Variants in ATG10 observed in about 807,000 individuals in gnomAD.
The protein encoded by ATG10 is ubiquitin-like-conjugating enzyme ATG10.
A neutral mutation model predicts 32.1 loss-of-function variants in ATG10; 30 were observed. The observed-to-expected ratio is 0.94, with a 90% confidence interval of 0.70 to 1.27. ATG10 has a LOEUF of 1.27. Among genes scored for constraint, ATG10 ranks in the 50% most tolerant of loss-of-function variants. The pLI, the probability that ATG10 is intolerant of heterozygous loss-of-function variation, is 0.00. For missense variants in ATG10, 233 were observed against 262.3 expected (o/e 0.89, Z 0.77); for synonymous variants, 87 against 91.5 (o/e 0.95, Z 0.28).
At chr5:82,187,282 A>G (rs1240892537) in intron 5 of ATG10, among the ~76,000 whole-genome samples, 10 of 152,038 alleles carry the variant, frequency 6.6e-5, no homozygotes, top group Admixed American at 6.6e-4. Context: ...AGGCCAAGGC[A>G]GGTAGATCAC....
chr5:82,164,589 C>A (rs1474589136), intron 4 of ATG10, 52 bp downstream of exon 4: 48 of 1,470,440 alleles, frequency 3.3e-5, no homozygotes, highest in South Asian at 5.1e-5. Flanking sequence ...ACATATAAAG[C>A]AAAAAGCATA....
intron 3 of ATG10, among the ~76,000 whole-genome samples, chr5:82,131,165 A>G (rs1766504189): frequency 6.6e-6 from 1 of 152,100 alleles, no homozygotes; most frequent in Admixed American, 6.6e-5. Context: ...GCATCAGACA[A>G]TATTCCCATG....
At chr5:82,155,162 G>A (rs545843004) in intron 3 of ATG10, among the ~76,000 whole-genome samples, 5 of 152,176 alleles carry the variant, frequency 3.3e-5, no homozygotes, top group Non-Finnish European at 7.3e-5. Context: ...GTTTAAATTA[G>A]GGTAGTGCTA....
In ATG10 at chr5:81,987,664, T is replaced by C; in HGVS notation, c.94T>C (p.Trp32Arg). 1 of 1,607,232 alleles carries C rather than the reference T, an allele frequency of 6.2e-7. No homozygotes were observed. The highest frequency in any genetic ancestry group is 8.5e-7 in the Non-Finnish European group (1 of 1,176,454). Residue 32 changes from tryptophan (W) to arginine (R), a missense_variant, in exon 2 of 8, where the codon TGG (tryptophan) becomes CGG (arginine). Transcript: ENST00000282185. ...ACAACAGATAGGTGATAGTTGGGAATGGAGACCATCAAAGGTAAGAATGGA... is the reference window on the plus strand; with the variant it reads ...ACAACAGATAGGTGATAGTTGGGAACGGAGACCATCAAAGGTAAGAATGGA... ...HSQQIGDSWE[W>R]RPSKDCSDGY...
chr5:82,126,924 G>T (rs924769576), intron 3 of ATG10, among the ~76,000 whole-genome samples: 1 of 152,044 alleles, frequency 6.6e-6, no homozygotes, highest in South Asian at 2.1e-4. Flanking sequence ...GCTTTTTTTG[G>T]TTGATAGGCT....
chr5:81,988,537 G>C (rs536950448), intron 2 of ATG10, among the ~76,000 whole-genome samples: 97 of 152,168 alleles, frequency 6.4e-4, no homozygotes, highest in South Asian at 3.3e-3. Context: ...GGGTTCAAGC[G>C]ATTCTTGTGC....
At chr5:82,235,883 GC>G (rs1746534606) in intron 5 of ATG10, among the ~76,000 whole-genome samples, 1 of 152,044 alleles carries the variant, frequency 6.6e-6, no homozygotes, top group African/African-American at 2.4e-5. Context: ...ATCATTCTGA[GC>G]CTCAGATTTT....
At chr5:82,185,952 A>C (rs929882801) in intron 5 of ATG10, among the ~76,000 whole-genome samples, 3 of 152,224 alleles carry the variant, frequency 2.0e-5, no homozygotes, top group African/African-American at 7.2e-5. Flanking sequence ...AAATCAATTA[A>C]AACACACAGC....
intron 3 of ATG10, among the ~76,000 whole-genome samples, chr5:82,140,086 C>A (rs867444194): frequency 2.2e-5 from 3 of 137,232 alleles, no homozygotes; most frequent in Non-Finnish European, 4.7e-5. Flanking sequence ...GCCCTCCACC[C>A]GGCCAGCCGC....
intron 3 of ATG10, among the ~76,000 whole-genome samples, chr5:82,119,640 T>C (rs541119192): frequency 6.6e-6 from 1 of 152,252 alleles, no homozygotes; most frequent in Non-Finnish European, 1.5e-5. Flanking sequence ...TTTATATTTT[T>C]AGTAGAAATG....
intron 2 of ATG10, among the ~76,000 whole-genome samples, chr5:82,023,531 CTAAAA>C (rs1460367858): frequency 3.3e-5 from 5 of 152,234 alleles, no homozygotes; most frequent in South Asian, 2.1e-4. Flanking sequence ...TATAAATAAA[CTAAAA>C]TGAGTAAAAT....
chr5:81,991,553 G>GGAGGCCAAGGCAGGTTGATTACCT (rs1332731204), intron 2 of ATG10, among the ~76,000 whole-genome samples: 1 of 151,958 alleles, frequency 6.6e-6, no homozygotes, highest in Non-Finnish European at 1.5e-5. Context: ...GTTTACTTTG[G>GGAGGCCAAGGCAGGTTGATTACCT]GAGGCCAAGG....
chr5:82,202,039 G>A (rs956933472), intron 5 of ATG10, among the ~76,000 whole-genome samples: 6 of 152,076 alleles, frequency 3.9e-5, no homozygotes, highest in African/African-American at 1.4e-4. Context: ...TATAGTTTGG[G>A]GAGGGGTTTT....
In ATG10 at chr5:82,164,520, T is replaced by G. The variant is rs373214028; in HGVS notation, c.338T>G (p.Phe113Cys). 6.2e-7 allele frequency: 1 copy of G among 1,612,488 alleles called. No homozygotes were observed. The highest frequency in any genetic ancestry group is 1.3e-5 in the African/African-American group (1 of 75,012). The change falls in exon 4 of 8, where the codon TTT (phenylalanine) becomes TGT (cysteine). Residue 113 changes from phenylalanine to cysteine, a missense_variant. Phe to Cys is a radical substitution (Grantham distance 205). Transcript: ENST00000282185. ...SCSYQVPVLY[F>C]RASFLDGRPL... The stretch of plus-strand genomic sequence containing the variant: ...AGCTACCAAGTGCCTGTACTTTACT[T>G]TAGGGCAAGCTTTTTAGGTAAGAAC...
chr5:82,224,666 A>G (rs545274752), intron 5 of ATG10, among the ~76,000 whole-genome samples: 2 of 152,298 alleles, frequency 1.3e-5, no homozygotes, highest in East Asian at 1.9e-4. Flanking sequence ...TCAAGGAGAT[A>G]GAGTGAAAGG....
intron 2 of ATG10, among the ~76,000 whole-genome samples, chr5:82,030,510 G>A (rs1159572142): frequency 6.6e-6 from 1 of 152,152 alleles, no homozygotes; most frequent in Non-Finnish European, 1.5e-5. Flanking sequence ...CACATCAAAA[G>A]TGGGAACTCA....
chr5:82,172,894 C>T (rs890742293), intron 4 of ATG10, among the ~76,000 whole-genome samples: 4 of 152,276 alleles, frequency 2.6e-5, no homozygotes, highest in African/African-American at 9.6e-5. Flanking sequence ...TGAACAATTG[C>T]ACTCATTTCA....
chr5:82,102,005 G>A (rs1369636823), intron 3 of ATG10, among the ~76,000 whole-genome samples: 2 of 152,174 alleles, frequency 1.3e-5, no homozygotes, highest in African/African-American at 4.8e-5. Context: ...GTTGAAATAA[G>A]ATTCTGTGGA....
At chr5:82,223,455 C>T (rs1049053376) in intron 5 of ATG10, among the ~76,000 whole-genome samples, 7 of 152,096 alleles carry the variant, frequency 4.6e-5, no homozygotes, top group Non-Finnish European at 7.3e-5. Flanking sequence ...GAAAGACTCT[C>T]CTAAATGTCT....
Sources: allele counts gnomAD v4.1 joint callset (sites outside exome capture counted in the v4.1 genomes callset), GRCh38; gene constraint gnomAD v4.1.1; transcripts MANE v1.5; gene names NCBI Gene and HGNC (gene_info 2026-07-23, HGNC 2026-07-21).